The following RABGAP1L variants were observed in gnomAD, a reference collection of about 807,000 sequenced individuals.
The protein encoded by RABGAP1L is rab GTPase-activating protein 1-like.
Under a neutral mutation model 137.7 loss-of-function variants are expected in RABGAP1L, and 63 were observed. The observed-to-expected ratio is 0.46, with a 90% CI of 0.37 to 0.56. The LOEUF is 0.56. Ranked by LOEUF, RABGAP1L falls within the 20% of genes least tolerant of loss-of-function variation. The pLI is 0.00. For synonymous variants in RABGAP1L, 431 were observed against 433.7 expected (o/e 0.99, Z 0.08); for missense variants, 1,095 against 1,244.0 (o/e 0.88, Z 1.80).
At chr1:174,774,712 T>G (rs911725621) in intron 18 of RABGAP1L, among the ~76,000 whole-genome samples, 1 of 151,654 alleles carries the variant, frequency 6.6e-6, no homozygotes, top group African/African-American at 2.4e-5. Flanking sequence ...AGACCTCATC[T>G]CTCCAAAAAA....
At chr1:174,522,396 G>T (rs934177112) in intron 13 of RABGAP1L, among the ~76,000 whole-genome samples, 1 of 152,008 alleles carries the variant, frequency 6.6e-6, no homozygotes, top group Admixed American at 6.6e-5. Context: ...AGGCTATATG[G>T]CGAAACCCCA....
chr1:174,746,516 T>C (rs1051341805), intron 17 of RABGAP1L, among the ~76,000 whole-genome samples: 1 of 152,238 alleles, frequency 6.6e-6, no homozygotes, highest in Non-Finnish European at 1.5e-5. Flanking sequence ...AATTTAGTTC[T>C]GGTAGAAGTC....
chr1:174,929,665 C>T (rs1022716958), intron 19 of RABGAP1L, among the ~76,000 whole-genome samples: 2 of 151,462 alleles, frequency 1.3e-5, no homozygotes, highest in Admixed American at 1.3e-4. Flanking sequence ...ATGGCTTGAG[C>T]CCAAGAGGTC....
At chr1:174,965,650 G>A (rs1441635877) in intron 20 of RABGAP1L, among the ~76,000 whole-genome samples, 1 of 152,294 alleles carries the variant, frequency 6.6e-6, no homozygotes, top group East Asian at 1.9e-4. Flanking sequence ...TCACTGTAGT[G>A]CTCAGTAGCA....
At chr1:174,297,505 G>C (rs1677235066) in intron 10 of RABGAP1L, among the ~76,000 whole-genome samples, 1 of 152,156 alleles carries the variant, frequency 6.6e-6, no homozygotes, top group Non-Finnish European at 1.5e-5. Flanking sequence ...TGAGCATTAC[G>C]GTTGGAGTTT....
intron 13 of RABGAP1L, among the ~76,000 whole-genome samples, chr1:174,582,716 G>T (rs1409609818): frequency 2.0e-5 from 3 of 152,136 alleles, no homozygotes; most frequent in African/African-American, 4.8e-5. Context: ...AGTGTTGAGG[G>T]TATAATCTAG....
chr1:174,458,743 T>G (rs909846770), intron 13 of RABGAP1L, among the ~76,000 whole-genome samples: 1 of 152,146 alleles, frequency 6.6e-6, no homozygotes, highest in Non-Finnish European at 1.5e-5. Flanking sequence ...GTATTTTACC[T>G]TTAAGCATGG....
chr1:174,995,137 CTTGAA>C lies in RABGAP1L; in HGVS notation c.*5140_*5144del, dbSNP rs545847102. On this transcript the variant is annotated 3_prime_UTR_variant, in exon 26 of 26. Transcript: ENST00000681986. ...TGTTTACTTTTATAATCGTTATGAA[CTTGAA>C]TTGGATTAGTATCTTGTTTTTATGT... The C allele has an allele frequency of 3.3e-5, 5 of 152,168 alleles. No individual in the cohort carries two copies. Among genetic ancestry groups the C allele is most frequent in the Non-Finnish European group, 5.9e-5 (4 of 68,036 alleles). 9.4% of individuals were successfully genotyped at this position (152,168 alleles called of 1,614,324 possible). A position where few individuals can be genotyped will look rare whatever the true frequency, so the allele number is the denominator to read the frequency against.
chr1:174,204,691 A>G (rs971969617), intron 1 of RABGAP1L, among the ~76,000 whole-genome samples: 1 of 152,040 alleles, frequency 6.6e-6, no homozygotes, highest in Admixed American at 6.6e-5. Context: ...TGTAATCCCC[A>G]GTGTTAGGGG....
rs114168526 is a variant in RABGAP1L at position 174,161,544 on chromosome 1, A to T, written c.-34+1887A>T. Among the ~76,000 whole-genome samples the T allele has an allele frequency of 8.9e-3, 1,359 of 151,922 alleles. 21 individuals are homozygous for T. Among genetic ancestry groups the T allele is most frequent in the African/African-American group, 0.031 (1,305 of 41,430 alleles). The stretch of plus-strand genomic sequence containing the variant: ...CGTTAGCCACAGCGCCCGGCCTCTG[A>T]TGTGTACTAGTAAGTCATATGGGGA... On this transcript the variant is annotated intron_variant, in intron 1 of 25. Transcript: ENST00000681986.
chr1:174,686,616 G>C, intron 15 of RABGAP1L, among the ~76,000 whole-genome samples: 1 of 150,420 alleles, frequency 6.6e-6, no homozygotes, highest in African/African-American at 2.4e-5. Flanking sequence ...TTCAAGACAT[G>C]GGTGGTGAAG....
intron 13 of RABGAP1L, among the ~76,000 whole-genome samples, chr1:174,568,285 C>A (rs1161244598): frequency 6.6e-6 from 1 of 152,138 alleles, no homozygotes; most frequent in Non-Finnish European, 1.5e-5. Flanking sequence ...GTCTGCCCCC[C>A]ATGACCCAGT....
intron 7 of RABGAP1L, among the ~76,000 whole-genome samples, chr1:174,265,882 A>G (rs952035354): frequency 9.2e-5 from 14 of 151,996 alleles, no homozygotes; most frequent in African/African-American, 3.1e-4. Flanking sequence ...TAGCAGCTCT[A>G]TGGCAGTCCT....
intron 14 of RABGAP1L, among the ~76,000 whole-genome samples, chr1:174,648,826 T>C (rs952174158): frequency 1.3e-5 from 2 of 152,168 alleles, no homozygotes; most frequent in African/African-American, 4.8e-5. Flanking sequence ...TATTATTGTA[T>C]GGGAGTCTAA....
chr1:174,562,145 A>G (rs542782184), intron 13 of RABGAP1L, among the ~76,000 whole-genome samples: 3 of 152,370 alleles, frequency 2.0e-5, no homozygotes, highest in Admixed American at 2.0e-4. Context: ...CAAAGAACTT[A>G]AACAGATTTA....
intron 13 of RABGAP1L, among the ~76,000 whole-genome samples, chr1:174,461,309 G>A (rs1018904097): frequency 2.0e-5 from 3 of 148,488 alleles, no homozygotes; most frequent in South Asian, 2.1e-4. Context: ...ACTGACCCCA[G>A]GCCTGGTATT....
chr1:174,655,075 TCC>T (rs1187121537), intron 14 of RABGAP1L, among the ~76,000 whole-genome samples: 1 of 152,000 alleles, frequency 6.6e-6, no homozygotes, highest in Non-Finnish European at 1.5e-5. Flanking sequence ...AATTTTGTTT[TCC>T]TAAACTGTTT....
At chr1:174,867,856 G>T (rs954689884) in intron 19 of RABGAP1L, among the ~76,000 whole-genome samples, 5 of 152,150 alleles carry the variant, frequency 3.3e-5, no homozygotes, top group Non-Finnish European at 5.9e-5. Flanking sequence ...TGTTGTTCAG[G>T]CTGGTCTCAA....
chr1:174,737,128 T>A (rs1309701672), intron 17 of RABGAP1L, among the ~76,000 whole-genome samples: 2 of 152,220 alleles, frequency 1.3e-5, no homozygotes, highest in Non-Finnish European at 2.9e-5. Context: ...TTTTTCATGC[T>A]CTGCCACATG....
Sources: allele counts gnomAD v4.1 joint callset (sites outside exome capture counted in the v4.1 genomes callset), GRCh38; gene constraint gnomAD v4.1.1; transcripts MANE v1.5; gene names NCBI Gene and HGNC (gene_info 2026-07-23, HGNC 2026-07-21).